CLPB: variants seen among roughly 807,000 people sequenced by gnomAD.
CLPB encodes ClpB family mitochondrial disaggregase, also known as mitochondrial disaggregase.
In CLPB, 40 loss-of-function variants were observed where a neutral mutation model predicts 78.4. That is an observed-to-expected ratio of 0.51 (90% CI 0.40 to 0.66). CLPB has a LOEUF of 0.66. Ranked by LOEUF, CLPB falls within the 30% of genes least tolerant of loss-of-function variation. The pLI is 0.00. For missense variants in CLPB, 780 were observed against 886.9 expected (o/e 0.88, Z 1.53); for synonymous variants, 333 against 348.0 (o/e 0.96, Z 0.48).
At chr11:72,311,457 T>C (rs979211278) in intron 7 of CLPB, among the ~76,000 whole-genome samples, 9 of 152,296 alleles carry the variant, frequency 5.9e-5, no homozygotes, top group African/African-American at 2.2e-4. Context: ...TTGATTTCCA[T>C]TTTATAGGTG....
At chr11:72,341,148 A>G (rs373880344) in intron 5 of CLPB, among the ~76,000 whole-genome samples, 1 of 152,198 alleles carries the variant, frequency 6.6e-6, no homozygotes, top group African/African-American at 2.4e-5. Flanking sequence ...AAGAGAGAAA[A>G]GCCTTAGTCC....
intron 11 of CLPB, among the ~76,000 whole-genome samples, chr11:72,299,628 A>G (rs1565422632): frequency 6.6e-6 from 1 of 152,226 alleles, no homozygotes; most frequent in Non-Finnish European, 1.5e-5. Context: ...ACTACTGTTG[A>G]ATTAAAACTA....
intron 6 of CLPB, among the ~76,000 whole-genome samples, chr11:72,327,648 T>A (rs1370589480): frequency 6.6e-6 from 1 of 152,140 alleles, no homozygotes; most frequent in Non-Finnish European, 1.5e-5. Flanking sequence ...AAGCTACAGG[T>A]ACTCTTGGCC....
chr11:72,389,526 G>A (rs1057468566), intron 3 of CLPB, among the ~76,000 whole-genome samples: 6 of 152,202 alleles, frequency 3.9e-5, no homozygotes, highest in Non-Finnish European at 8.8e-5. Context: ...TGGATTAAAG[G>A]AGGCAGAGTA....
chr11:72,423,862 T>G (rs945833260), intron 2 of CLPB, among the ~76,000 whole-genome samples: 2 of 152,208 alleles, frequency 1.3e-5, no homozygotes, highest in Non-Finnish European at 2.9e-5. Context: ...ATTGGCCTTC[T>G]CTCAATTCCT....
At chr11:72,413,327 A>C (rs1301838568) in intron 2 of CLPB, among the ~76,000 whole-genome samples, 1 of 151,958 alleles carries the variant, frequency 6.6e-6, no homozygotes, top group Non-Finnish European at 1.5e-5. Flanking sequence ...AAATAAATAA[A>C]TAGCCTTCAC....
intron 2 of CLPB, among the ~76,000 whole-genome samples, chr11:72,424,678 G>A (rs772651796): frequency 2.0e-5 from 3 of 152,138 alleles, no homozygotes; most frequent in East Asian, 1.9e-4. Context: ...GGCGGATCAC[G>A]AGGTCAGACC....
chr11:72,384,819 A>G (rs141150476), intron 3 of CLPB, among the ~76,000 whole-genome samples: 47 of 152,370 alleles, frequency 3.1e-4, no homozygotes, highest in African/African-American at 1.1e-3. Flanking sequence ...ATATAATAAT[A>G]AAGGGGTCAA....
At chr11:72,400,332 T>C (rs1855525818) in intron 3 of CLPB, among the ~76,000 whole-genome samples, 1 of 152,178 alleles carries the variant, frequency 6.6e-6, no homozygotes. Context: ...ACAAAATGGA[T>C]AATTAGTCCT....
chr11:72,305,304 G>T (rs1453199781), intron 9 of CLPB, among the ~76,000 whole-genome samples: 9 of 152,238 alleles, frequency 5.9e-5, no homozygotes, highest in Admixed American at 5.9e-4. Context: ...TGAAAAGTGG[G>T]TCTAATTTAG....
At chr11:72,403,096 C>A (rs1473063036) in intron 2 of CLPB, 44 bp from the exon 3 acceptor site, 5 of 1,552,090 alleles carry the variant, frequency 3.2e-6, no homozygotes, top group Non-Finnish European at 1.8e-6. Flanking sequence ...GGCTTGACAT[C>A]TGCACCTTCT....
intron 5 of CLPB, among the ~76,000 whole-genome samples, chr11:72,346,112 G>C (rs1435060802): frequency 6.6e-6 from 1 of 152,126 alleles, no homozygotes; most frequent in Non-Finnish European, 1.5e-5. Context: ...AGGCAGTATT[G>C]GTGTTCTCAG....
intron 2 of CLPB, among the ~76,000 whole-genome samples, chr11:72,416,607 G>A (rs1213864144): frequency 2.0e-5 from 3 of 151,602 alleles, no homozygotes; most frequent in African/African-American, 4.8e-5. Flanking sequence ...ATGGTGGCAC[G>A]TGCCTGTAAT....
chr11:72,301,327 A>G (rs1232274669), intron 11 of CLPB, among the ~76,000 whole-genome samples: 3 of 152,188 alleles, frequency 2.0e-5, no homozygotes, highest in East Asian at 3.8e-4. Flanking sequence ...CAATATTAGC[A>G]TTTTAAAGAA....
At chr11:72,305,717 G>A (rs149411827) in intron 9 of CLPB, among the ~76,000 whole-genome samples, 129 of 152,214 alleles carry the variant, frequency 8.5e-4, no homozygotes, top group Non-Finnish European at 1.6e-3. Flanking sequence ...CCTGCACTGG[G>A]GTGAATTTGT....
At chr11:72,319,338 T>C (rs1422876127) in intron 6 of CLPB, among the ~76,000 whole-genome samples, 1 of 152,266 alleles carries the variant, frequency 6.6e-6, no homozygotes, top group Non-Finnish European at 1.5e-5. Flanking sequence ...GCAAAGGGCC[T>C]GGCTCACAGC....
At chr11:72,319,293 AC>A (rs1237207782) in intron 6 of CLPB, among the ~76,000 whole-genome samples, 2 of 152,124 alleles carry the variant, frequency 1.3e-5, no homozygotes, top group African/African-American at 4.8e-5. Context: ...TGGTTACAAG[AC>A]CATGTTTATT....
intron 3 of CLPB, among the ~76,000 whole-genome samples, chr11:72,393,781 C>T (rs544491205): frequency 7.2e-5 from 11 of 152,264 alleles, no homozygotes; most frequent in East Asian, 3.9e-4. Context: ...AAGTTTTGCA[C>T]GTTGGGTTTT....
chr11:72,432,857 C>A (rs1189547594), intron 1 of CLPB, among the ~76,000 whole-genome samples: 35 of 152,170 alleles, frequency 2.3e-4, no homozygotes, highest in Admixed American at 2.3e-3. Context: ...AAAGTCAAGG[C>A]ACTCCCTACT....
Sources: allele counts gnomAD v4.1 joint callset (sites outside exome capture counted in the v4.1 genomes callset), GRCh38; gene constraint gnomAD v4.1.1; transcripts MANE v1.5; gene names NCBI Gene and HGNC (gene_info 2026-07-23, HGNC 2026-07-21).